The following ZCCHC7 variants were observed in gnomAD, a reference collection of about 807,000 sequenced individuals.
ZCCHC7 encodes the protein zinc finger CCHC-type containing 7.
In ZCCHC7, 35 loss-of-function variants were observed where a neutral mutation model predicts 52.0. The ratio of observed to expected loss-of-function variants is 0.67; its 90% CI spans 0.51 to 0.89. The LOEUF (loss-of-function observed/expected upper bound fraction) is 0.89. ZCCHC7 is among the 40% of genes least tolerant of loss of function. The pLI, the probability that ZCCHC7 is intolerant of heterozygous loss-of-function variation, is 0.00. For missense variants in ZCCHC7, 574 were observed against 649.1 expected, an observed-to-expected ratio of 0.88 and a Z score of 1.26; for synonymous variants, 217 against 221.5, an observed-to-expected ratio of 0.98 and a Z score of 0.18.
intron 2 of ZCCHC7, among the ~76,000 whole-genome samples, chr9:37,143,033 T>C (rs1843293680): frequency 6.6e-6 from 1 of 151,810 alleles, no homozygotes; most frequent in South Asian, 2.1e-4. Context: ...AACTTGAAAT[T>C]TATTAAGGAA....
chr9:37,336,345 T>C (rs577481076), intron 6 of ZCCHC7, among the ~76,000 whole-genome samples: 1 of 152,292 alleles, frequency 6.6e-6, no homozygotes, highest in African/African-American at 2.4e-5. Context: ...TGTTCCTTGT[T>C]TTAAGACAAG....
intron 2 of ZCCHC7, among the ~76,000 whole-genome samples, chr9:37,169,794 A>C (rs76489349): frequency 0.035 from 5,351 of 152,230 alleles, 314 homozygotes; most frequent in African/African-American, 0.12. Context: ...GGCTCTGGCA[A>C]CTTATGCCTG....
At chr9:37,356,731 T>G in intron 8 of ZCCHC7, 104 bp from the exon 9 acceptor site, 2 of 1,096,738 alleles carry the variant, frequency 1.8e-6, no homozygotes, top group East Asian at 5.1e-5. Context: ...TGTTAACATG[T>G]TTAAATATCT....
At chr9:37,309,137 G>A (rs1829476885) in intron 5 of ZCCHC7, among the ~76,000 whole-genome samples, 1 of 152,112 alleles carries the variant, frequency 6.6e-6, no homozygotes, top group Non-Finnish European at 1.5e-5. Context: ...ACATGGCGAA[G>A]GTTCTGGAAG....
At chr9:37,190,651 C>T (rs904776809) in intron 2 of ZCCHC7, among the ~76,000 whole-genome samples, 9 of 152,166 alleles carry the variant, frequency 5.9e-5, no homozygotes, top group African/African-American at 1.7e-4. Flanking sequence ...AATGTTAAAA[C>T]GTAAGAAACA....
intron 2 of ZCCHC7, among the ~76,000 whole-genome samples, chr9:37,278,163 G>A (rs1341147207): frequency 6.6e-6 from 1 of 151,850 alleles, no homozygotes; most frequent in East Asian, 1.9e-4. Context: ...AGACTCTGGT[G>A]GTCCTTTCAC....
chr9:37,208,961 C>A (rs1824065249), intron 2 of ZCCHC7, among the ~76,000 whole-genome samples: 1 of 152,160 alleles, frequency 6.6e-6, no homozygotes, highest in Non-Finnish European at 1.5e-5. Context: ...GCCACATTGA[C>A]TTCTTTTTAA....
chr9:37,349,811 G>A (rs568774947), intron 7 of ZCCHC7, among the ~76,000 whole-genome samples: 82 of 151,746 alleles, frequency 5.4e-4, no homozygotes, highest in African/African-American at 1.1e-3. Flanking sequence ...TTTTTGAGAC[G>A]GAGTCTTGCT....
At chr9:37,205,342 C>A (rs1256457010) in intron 2 of ZCCHC7, 3 of 166,678 alleles carry the variant, frequency 1.8e-5, no homozygotes, top group Non-Finnish European at 2.6e-5. Context: ...AAAAGAACAA[C>A]TCTTTTCTAA....
intron 2 of ZCCHC7, among the ~76,000 whole-genome samples, chr9:37,272,357 A>G (rs1827459456): frequency 6.6e-6 from 1 of 152,068 alleles, no homozygotes; most frequent in African/African-American, 2.4e-5. Context: ...TTTAATGTTT[A>G]TTATTCCTAT....
chr9:37,198,317 A>G (rs1475461595), intron 2 of ZCCHC7, among the ~76,000 whole-genome samples: 1 of 152,226 alleles, frequency 6.6e-6, no homozygotes, highest in African/African-American at 2.4e-5. Flanking sequence ...GAATGTTACA[A>G]CCAGAGTAAT....
chr9:37,260,840 G>T (rs557225102), intron 2 of ZCCHC7, among the ~76,000 whole-genome samples: 2 of 152,188 alleles, frequency 1.3e-5, no homozygotes, highest in Non-Finnish European at 2.9e-5. Flanking sequence ...TCTGACTGGG[G>T]TTCTAAGAGG....
intron 6 of ZCCHC7, among the ~76,000 whole-genome samples, chr9:37,347,120 G>A (rs1451924919): frequency 6.6e-6 from 1 of 152,148 alleles, no homozygotes; most frequent in Non-Finnish European, 1.5e-5. Flanking sequence ...AAAGCGTGGG[G>A]GTGTGCAGGG....
At chr9:37,158,504 C>G (rs1820930577) in intron 2 of ZCCHC7, among the ~76,000 whole-genome samples, 1 of 152,150 alleles carries the variant, frequency 6.6e-6, no homozygotes, top group African/African-American at 2.4e-5. Flanking sequence ...CTGGAGGGAA[C>G]ATGAAGGGGA....
At chr9:37,302,040 CAG>C in intron 2 of ZCCHC7, 146 bp from the exon 3 acceptor site, 1 of 649,272 alleles carries the variant, frequency 1.5e-6, no homozygotes, top group South Asian at 2.0e-5. Flanking sequence ...TAATTAATAA[CAG>C]AGCCAAAATA....
At chr9:37,281,368 T>G (rs1266244989) in intron 2 of ZCCHC7, among the ~76,000 whole-genome samples, 1 of 152,210 alleles carries the variant, frequency 6.6e-6, no homozygotes, top group African/African-American at 2.4e-5. Flanking sequence ...GAAGAGATTG[T>G]GACATAGAGG....
chr9:37,310,394 A>G (rs1244482299), intron 5 of ZCCHC7, among the ~76,000 whole-genome samples: 1 of 152,230 alleles, frequency 6.6e-6, no homozygotes, highest in African/African-American at 2.4e-5. Flanking sequence ...GACATTTCCA[A>G]GATAACAACA....
At chr9:37,336,114 G>GT (rs1830638203) in intron 6 of ZCCHC7, among the ~76,000 whole-genome samples, 1 of 152,104 alleles carries the variant, frequency 6.6e-6, no homozygotes, top group Admixed American at 6.6e-5. Context: ...TAGCATAGCA[G>GT]TTTTTTGCAC....
At chr9:37,348,394 T>TTTCTTTCTTTCTTTCTTTCTTTA (rs1821154705) in intron 6 of ZCCHC7, among the ~76,000 whole-genome samples, 1 of 48,536 alleles carries the variant, frequency 2.1e-5, no homozygotes, top group African/African-American at 9.4e-5. Flanking sequence ...TTCTTTCTTT[T>TTTCTTTCTTTCTTTCTTTCTTTA]TTGACATGGA....
Sources: allele counts gnomAD v4.1 joint callset (sites outside exome capture counted in the v4.1 genomes callset), GRCh38; gene constraint gnomAD v4.1.1; transcripts MANE v1.5; gene names NCBI Gene and HGNC (gene_info 2026-07-23, HGNC 2026-07-21).